NBAS: variants seen among roughly 807,000 people sequenced by gnomAD.
NBAS encodes the protein NAG/BC035112 fusion.
In NBAS, 219 loss-of-function variants were observed where a neutral mutation model predicts 302.5. That is an observed-to-expected ratio of 0.72 (90% confidence interval 0.65 to 0.81). The LOEUF is 0.81. NBAS is among the 30% of genes least tolerant of loss of function. NBAS has a pLI of 0.00. For synonymous variants in NBAS, 1,118 were observed against 1,021.6 expected (o/e 1.09, Z -1.80); for missense variants, 2,932 against 2,841.6 (o/e 1.03, Z -0.72).
the NBAS span, among the ~76,000 whole-genome samples, chr2:14,822,633 A>G: frequency 6.6e-6 from 1 of 152,208 alleles, no homozygotes. Flanking sequence ...GACTTTGCCA[A>G]AATGACACTT....
At chr2:14,903,400 ATAAAG>A in the NBAS span, among the ~76,000 whole-genome samples, 1 of 152,194 alleles carries the variant, frequency 6.6e-6, no homozygotes, top group Non-Finnish European at 1.5e-5. Context: ...AAAAATACAT[ATAAAG>A]TATTTTCCAA....
chr2:15,105,471 G>A, the NBAS span, among the ~76,000 whole-genome samples: 1 of 150,426 alleles, frequency 6.6e-6, no homozygotes, highest in Non-Finnish European at 1.5e-5. Flanking sequence ...AAAAAAAAAA[G>A]AAAGAAAGAA....
the NBAS span, among the ~76,000 whole-genome samples, chr2:14,846,886 A>T: frequency 6.6e-6 from 1 of 152,172 alleles, no homozygotes; most frequent in Non-Finnish European, 1.5e-5. Context: ...ACTAAAAGGA[A>T]GACAAGAAGG....
chr2:15,309,301 G>T, intron 38 of NBAS, 54 bp from the exon 39 acceptor site: 2 of 1,410,042 alleles, frequency 1.4e-6, no homozygotes, highest in Non-Finnish European at 2.0e-6. Flanking sequence ...GATATTCATA[G>T]TTATTAAATG....
At chr2:15,323,550 T>C (rs1671919094) in intron 38 of NBAS, among the ~76,000 whole-genome samples, 1 of 152,014 alleles carries the variant, frequency 6.6e-6, no homozygotes, top group African/African-American at 2.4e-5. Flanking sequence ...TCCCTGAGGT[T>C]CTCTAGAAAA....
chr2:14,938,308 CAT>C, the NBAS span, among the ~76,000 whole-genome samples: 2 of 152,058 alleles, frequency 1.3e-5, no homozygotes, highest in African/African-American at 4.8e-5. Flanking sequence ...GATACATATA[CAT>C]ACACACACAT....
chr2:15,323,631 G>A (rs1424672415), intron 38 of NBAS, among the ~76,000 whole-genome samples: 1 of 152,028 alleles, frequency 6.6e-6, no homozygotes, highest in Non-Finnish European at 1.5e-5. Context: ...AGGAGTTTGA[G>A]ACCAGCCTGG....
chr2:15,347,992 G>A (rs1673173030), intron 35 of NBAS, among the ~76,000 whole-genome samples: 1 of 152,142 alleles, frequency 6.6e-6, no homozygotes, highest in Non-Finnish European at 1.5e-5. Context: ...ATTTTCACAA[G>A]TGAAGTAATG....
intron 48 of NBAS, among the ~76,000 whole-genome samples, chr2:15,195,476 T>C (rs1465274550): frequency 6.6e-6 from 1 of 152,108 alleles, no homozygotes. Context: ...GTGGATGTGA[T>C]TATAAAAGGG....
chr2:15,538,499 G>T (rs1663631268), intron 7 of NBAS: 1 of 253,546 alleles, frequency 3.9e-6, no homozygotes, highest in African/African-American at 2.3e-5. Flanking sequence ...CAGAATCTCT[G>T]TGAGTAGCGC....
intron 48 of NBAS, among the ~76,000 whole-genome samples, chr2:15,213,114 C>T (rs996668558): frequency 6.6e-6 from 1 of 152,134 alleles, no homozygotes; most frequent in Non-Finnish European, 1.5e-5. Context: ...ATTTTTTAGA[C>T]AAGGAAATTG....
At chr2:15,422,119 G>A (rs944784530) in intron 23 of NBAS, among the ~76,000 whole-genome samples, 1 of 152,176 alleles carries the variant, frequency 6.6e-6, no homozygotes, top group Non-Finnish European at 1.5e-5. Context: ...TGTGTGCTCT[G>A]TCCGTTCATT....
intron 23 of NBAS, among the ~76,000 whole-genome samples, chr2:15,419,173 A>G (rs1370471528): frequency 6.6e-6 from 1 of 152,220 alleles, no homozygotes; most frequent in Non-Finnish European, 1.5e-5. Flanking sequence ...GGGCTAAACT[A>G]TGACAGTATT....
At chr2:14,950,149 T>G in the NBAS span, among the ~76,000 whole-genome samples, 3 of 152,168 alleles carry the variant, frequency 2.0e-5, no homozygotes, top group Admixed American at 6.5e-5. Context: ...ATGTTGTCTT[T>G]TATCTCTCAC....
the NBAS span, among the ~76,000 whole-genome samples, chr2:15,060,827 A>G: frequency 3.3e-5 from 5 of 152,212 alleles, no homozygotes; most frequent in Non-Finnish European, 7.3e-5. Context: ...TGATGGACAT[A>G]GCCTTAATCA....
chr2:15,100,738 G>A, the NBAS span, among the ~76,000 whole-genome samples: 1 of 152,158 alleles, frequency 6.6e-6, no homozygotes, highest in Non-Finnish European at 1.5e-5. Context: ...GAGTGAGAAA[G>A]TAACTGCTTT....
intron 35 of NBAS, among the ~76,000 whole-genome samples, chr2:15,338,902 A>G (rs1672721354): frequency 6.6e-6 from 1 of 152,068 alleles, no homozygotes; most frequent in African/African-American, 2.4e-5. Flanking sequence ...AGTCCTAGCT[A>G]CTTGGGGGGC....
chr2:15,485,414 A>T (rs1407467030), intron 12 of NBAS, among the ~76,000 whole-genome samples: 2 of 152,182 alleles, frequency 1.3e-5, no homozygotes, highest in African/African-American at 2.4e-5. Context: ...TGTGTAGTAC[A>T]CTCTGGCATT....
At chr2:15,360,502 C>T (rs1439654291) in intron 32 of NBAS, among the ~76,000 whole-genome samples, 1 of 152,018 alleles carries the variant, frequency 6.6e-6, no homozygotes, top group Admixed American at 6.6e-5. Context: ...TGCATCACCA[C>T]ACCCAGGAAA....
Sources: gnomAD v4.1 joint callset for allele counts (sites outside exome capture counted in the v4.1 genomes callset) on GRCh38, gnomAD v4.1.1 for gene constraint, MANE v1.5 for transcripts, NCBI Gene and HGNC (gene_info 2026-07-23, HGNC 2026-07-21) for gene names.